The following IGFL2 variants were observed in gnomAD, a reference collection of about 807,000 sequenced individuals.
IGFL2 encodes the protein insulin growth factor-like family member 2.
A neutral mutation model predicts 13.9 loss-of-function variants in IGFL2; 7 were observed. The observed-to-expected ratio is 0.51, with a 90% CI of 0.29 to 0.95. The LOEUF (loss-of-function observed/expected upper bound fraction) is 0.95, where lower values mean the gene tolerates loss of function less well. IGFL2 is among the 40% of genes least tolerant of loss of function. IGFL2 has a pLI of 0.08. For missense variants in IGFL2, 138 were observed against 147.8 expected (o/e 0.93, Z 0.34); for synonymous variants, 55 against 55.8 (o/e 0.99, Z 0.07).
upstream of IGFL2, among the ~76,000 whole-genome samples, chr19:46,144,112 CA>C (rs1213920730): frequency 6.6e-6 from 1 of 152,204 alleles, no homozygotes; most frequent in East Asian, 1.9e-4. Context: ...CTTTGCAAAA[CA>C]TAAGTCTCTT....
chr19:46,182,787 G>T, the IGFL2 span, among the ~76,000 whole-genome samples: 2 of 151,920 alleles, frequency 1.3e-5, no homozygotes, highest in African/African-American at 4.8e-5. Flanking sequence ...CATTGGGTCA[G>T]TGTGGCCCTG....
upstream of IGFL2, among the ~76,000 whole-genome samples, chr19:46,142,524 T>C (rs971400496): frequency 1.3e-5 from 2 of 152,222 alleles, no homozygotes; most frequent in African/African-American, 4.8e-5. Context: ...TATCTATTCC[T>C]TCTGCAATGA....
chr19:46,130,886 C>G, the IGFL2 span, among the ~76,000 whole-genome samples: 1 of 152,084 alleles, frequency 6.6e-6, no homozygotes, highest in Non-Finnish European at 1.5e-5. Flanking sequence ...GTTTGTTTCT[C>G]AGTAATGCTG....
chr19:46,188,583 G>C, the IGFL2 span, among the ~76,000 whole-genome samples: 1 of 152,070 alleles, frequency 6.6e-6, no homozygotes, highest in Non-Finnish European at 1.5e-5. Flanking sequence ...AGACCTCCTG[G>C]GTCTTTGTGA....
intron 1 of IGFL2, chr19:46,148,795 C>T (rs1291523770): frequency 1.4e-6 from 2 of 1,412,632 alleles, no homozygotes; most frequent in Non-Finnish European, 1.9e-6. Context: ...CAGAGGTCCC[C>T]TGCCAGCTCA....
At chr19:46,154,317 AC>A (rs1278453064) in intron 1 of IGFL2, among the ~76,000 whole-genome samples, 1 of 151,848 alleles carries the variant, frequency 6.6e-6, no homozygotes, top group Non-Finnish European at 1.5e-5. Context: ...TTAATGTCTA[AC>A]CCTTTTGCCA....
chr19:46,101,975 C>G, the IGFL2 span, among the ~76,000 whole-genome samples: 2 of 152,220 alleles, frequency 1.3e-5, no homozygotes, highest in African/African-American at 4.8e-5. Context: ...TGACACATCC[C>G]AAGGGCAGTA....
At chr19:46,194,830 T>TTATATA in the IGFL2 span, among the ~76,000 whole-genome samples, 86 of 46,752 alleles carry the variant, frequency 1.8e-3, 5 homozygotes, top group Middle Eastern at 0.031. Flanking sequence ...CTTCCTCATT[T>TTATATA]TATATATATA....
At chr19:46,182,964 TTCTCCCCA>T in the IGFL2 span, among the ~76,000 whole-genome samples, 58 of 152,140 alleles carry the variant, frequency 3.8e-4, no homozygotes, top group African/African-American at 1.4e-3. Context: ...TGCTTCCCAC[TTCTCCCCA>T]TCTCTCCCAG....
the IGFL2 span, among the ~76,000 whole-genome samples, chr19:46,202,240 C>A: frequency 6.6e-6 from 1 of 152,068 alleles, no homozygotes; most frequent in Non-Finnish European, 1.5e-5. Flanking sequence ...CACCTCAGAC[C>A]ATTTGCCCAT....
At chr19:46,117,728 C>G in the IGFL2 span, among the ~76,000 whole-genome samples, 1 of 152,144 alleles carries the variant, frequency 6.6e-6, no homozygotes, top group Non-Finnish European at 1.5e-5. Context: ...ATCCACCCAC[C>G]TTAGCCTCCC....
At chr19:46,129,335 G>T in the IGFL2 span, among the ~76,000 whole-genome samples, 1 of 151,246 alleles carries the variant, frequency 6.6e-6, no homozygotes, top group Admixed American at 6.6e-5. Context: ...GTGTGTGTGT[G>T]TGTGTGTGTG....
the IGFL2 span, chr19:46,210,253 C>G: frequency 6.6e-6 from 1 of 151,884 alleles, no homozygotes; most frequent in African/African-American, 2.4e-5. Flanking sequence ...CCTTGGTGTT[C>G]AAGAAGATTC....
chr19:46,207,014 C>T, the IGFL2 span: 3 of 152,224 alleles, frequency 2.0e-5, no homozygotes. Flanking sequence ...ACGGATTTTC[C>T]TGAATCACAA....
the IGFL2 span, among the ~76,000 whole-genome samples, chr19:46,114,408 T>C: frequency 6.6e-6 from 1 of 152,232 alleles, no homozygotes; most frequent in East Asian, 1.9e-4. Context: ...GACTTCTTTG[T>C]TGTAGAATAG....
At chr19:46,158,764 C>T (rs1973965050) in intron 1 of IGFL2, among the ~76,000 whole-genome samples, 2 of 152,134 alleles carry the variant, frequency 1.3e-5, no homozygotes, top group African/African-American at 4.8e-5. Context: ...CTTCAACGTG[C>T]ATGGGAGGCT....
the IGFL2 span, among the ~76,000 whole-genome samples, chr19:46,122,763 A>ACCC: frequency 1.3e-5 from 2 of 150,726 alleles, no homozygotes; most frequent in Non-Finnish European, 2.9e-5. Flanking sequence ...ACCTCTTAAA[A>ACCC]CCCCCAACAG....
the IGFL2 span, among the ~76,000 whole-genome samples, chr19:46,188,314 G>T: frequency 6.6e-6 from 1 of 152,066 alleles, no homozygotes; most frequent in Non-Finnish European, 1.5e-5. Context: ...CCATTTATTT[G>T]TTTTGTGGTG....
chr19:46,172,215 T>C, the IGFL2 span, among the ~76,000 whole-genome samples: 1 of 152,056 alleles, frequency 6.6e-6, no homozygotes, highest in South Asian at 2.1e-4. Context: ...AAGTGGCAAA[T>C]TGTCCTGATT....
Sources: gnomAD v4.1 joint callset for allele counts (sites outside exome capture counted in the v4.1 genomes callset) on GRCh38, gnomAD v4.1.1 for gene constraint, MANE v1.5 for transcripts, NCBI Gene and HGNC (gene_info 2026-07-23, HGNC 2026-07-21) for gene names.